Variants in SLC25A53 observed in about 807,000 individuals in gnomAD.
The protein encoded by SLC25A53 is solute carrier family 25 member 53, also known as mitochondrial carrier triple repeat protein 6.
A neutral mutation model predicts 15.0 loss-of-function variants in SLC25A53; 5 were observed. The ratio of observed to expected loss-of-function variants is 0.33; its 90% CI spans 0.17 to 0.70. The LOEUF (loss-of-function observed/expected upper bound fraction) is 0.70, where lower values mean the gene tolerates loss of function less well. Ranked by LOEUF, SLC25A53 falls within the 30% of genes least tolerant of loss-of-function variation. The probability of loss-of-function intolerance (pLI) is 0.67; values close to 1 mark genes in which losing one functional copy is unlikely to be tolerated. For synonymous variants in SLC25A53, 95 were observed against 100.0 expected, an observed-to-expected ratio of 0.95 and a Z score of 0.30; for missense variants, 216 against 241.6, an observed-to-expected ratio of 0.89 and a Z score of 0.70.
intron 1 of SLC25A53, among the ~76,000 whole-genome samples, chrX:104,137,906 C>CA (rs1224424547): frequency 1.1e-4 from 12 of 110,792 alleles, no homozygotes; most frequent in South Asian, 3.8e-4. Flanking sequence ...AAATATAGAC[C>CA]AAAAAAAACA....
At position 104,104,468 on chromosome X, in the gene SLC25A53, G is replaced by A. The variant is rs1244364195; in HGVS notation, c.790C>T (p.Arg264Ter). Residue 264 changes from arginine (R) to a stop codon, truncating the protein, a stop_gained, in exon 2 of 2, where the codon CGA (arginine) becomes TGA (stop). Coordinates refer to ENST00000594199, the MANE Select transcript of SLC25A53 (RefSeq NM_001012755.5). LOFTEE classifies it high-confidence loss of function. The part of the protein sequence containing the change: ...SAQDVWNTRG[R>*]KLLLIYRGGS... ...CCACGGTAGATCAGGAGCAGCTTTC[G>A]GCCCCGAGTGTTCCATACATCCTGG... 5 of 1,210,137 alleles carry A rather than the reference G, an allele frequency of 4.1e-6. No homozygotes were observed. The highest frequency in any genetic ancestry group is 1.8e-5 in the South Asian group (1 of 56,840).
At chrX:104,147,818 T>C (rs1439626510) in intron 1 of SLC25A53, among the ~76,000 whole-genome samples, 3 of 109,500 alleles carry the variant, frequency 2.7e-5, no homozygotes, top group African/African-American at 1.0e-4. Flanking sequence ...CTGGAGAGGA[T>C]GTGGAGAAAT....
rs1178721075 is a variant in SLC25A53, at chrX:104,101,740, G to T, written c.*2594C>A. On this transcript the variant is annotated 3_prime_UTR_variant, in exon 2 of 2. Coordinates refer to ENST00000594199, the MANE Select transcript of SLC25A53 (RefSeq NM_001012755.5). ...TGTATGCAACTCTCAGATAGTTCAG[G>T]GAAAAAATATCCTGTGTGTGTATAG... 1 of 111,512 alleles carries T rather than the reference G, an allele frequency of 9.0e-6. No homozygotes were observed. Among genetic ancestry groups the T allele is most frequent in the Non-Finnish European group, 1.9e-5 (1 of 53,104 alleles). 9.2% of individuals were successfully genotyped at this position (111,512 alleles called of 1,213,427 possible).
chrX:104,106,620 G>A (rs782491799), intron 1 of SLC25A53, among the ~76,000 whole-genome samples: 1 of 111,312 alleles, frequency 9.0e-6, no homozygotes, highest in South Asian at 3.8e-4. Context: ...GGCCAATGGG[G>A]AACCAGAGAG....
At chrX:104,126,299 T>C (rs1366047332) in intron 1 of SLC25A53, among the ~76,000 whole-genome samples, 1 of 109,386 alleles carries the variant, frequency 9.1e-6, no homozygotes. Context: ...AAAGCACTTG[T>C]TAGGAGGAGA....
intron 1 of SLC25A53, among the ~76,000 whole-genome samples, chrX:104,125,998 G>A (rs1171431773): frequency 8.9e-6 from 1 of 111,869 alleles, no homozygotes; most frequent in Non-Finnish European, 1.9e-5. Context: ...AAATCCCAGA[G>A]GGATTTTTCA....
At chrX:104,148,078 T>A (rs1480325142) in intron 1 of SLC25A53, among the ~76,000 whole-genome samples, 1 of 110,295 alleles carries the variant, frequency 9.1e-6, no homozygotes, top group Non-Finnish European at 1.9e-5. Context: ...TAGACTGGAT[T>A]AAGAAAATGT....
At chrX:104,110,410 A>G (rs1556357812) in intron 1 of SLC25A53, among the ~76,000 whole-genome samples, 1 of 111,596 alleles carries the variant, frequency 9.0e-6, no homozygotes, top group African/African-American at 3.3e-5. Context: ...CTGAGATGGA[A>G]GGTGCTTATC....
rs1556355413 is a variant in SLC25A53, at chrX:104,105,120, A to G, written c.138T>C (p.Phe46=). The G allele has an allele frequency of 1.7e-6, 2 of 1,212,118 alleles. No individual in the cohort carries two copies. Among genetic ancestry groups the G allele is most frequent in the Middle Eastern group, 2.3e-4 (1 of 4,354 alleles). The part of the protein sequence containing the change: ...VSNFMSTFLT[F]PIYKVVFRQQ... ...GCCGGAACACAACCTTATAGATAGG[A>G]AAGGTCAGAAAAGTAGACATAAAGT... The change falls in exon 2 of 2, where the codon TTT becomes TTC. Residue 46 remains phenylalanine, a synonymous_variant. Coordinates refer to ENST00000594199, the MANE Select transcript of SLC25A53 (RefSeq NM_001012755.5).
chrX:104,128,460 C>T (rs1439652616), intron 1 of SLC25A53, among the ~76,000 whole-genome samples: 1 of 111,792 alleles, frequency 8.9e-6, no homozygotes, highest in Admixed American at 9.5e-5. Context: ...CTGAAAATCT[C>T]TTAAATGTCT....
chrX:104,100,074 C>T lies in SLC25A53; in HGVS notation c.*4260G>A, dbSNP rs1398730611. On this transcript the variant is annotated 3_prime_UTR_variant, in exon 2 of 2. Transcript: ENST00000594199. ...ATTATGCTTTTTCTCTCATATGCAA[C>T]GTCATTTTATTAACTTTAATATACT... 9.0e-6 allele frequency: 1 copy of T among 111,617 alleles called. No homozygotes were observed. The highest frequency in any genetic ancestry group is 1.9e-5 in the Non-Finnish European group (1 of 53,086). 9.2% of individuals were successfully genotyped at this position (111,617 alleles called of 1,213,427 possible).
At chrX:104,147,368 A>G (rs2075471009) in intron 1 of SLC25A53, among the ~76,000 whole-genome samples, 1 of 111,720 alleles carries the variant, frequency 9.0e-6, no homozygotes, top group South Asian at 3.7e-4. Flanking sequence ...CCTAGGCATT[A>G]CCATTCAGGA....
intron 1 of SLC25A53, among the ~76,000 whole-genome samples, chrX:104,141,892 G>A (rs1467459279): frequency 1.8e-5 from 2 of 111,776 alleles, no homozygotes; most frequent in Non-Finnish European, 3.8e-5. Context: ...CCAGTCCTAG[G>A]ACTTCCATTC....
rs1480537360 is a variant in SLC25A53 at position 104,102,564 on chromosome X, C to G, written c.*1770G>C. ...AAAGCAAAAACACAGCCCAAAGGCA[C>G]GTGTCTTGCTGACAGTGAGTCAATA... On this transcript the variant is annotated 3_prime_UTR_variant, in exon 2 of 2. Coordinates refer to ENST00000594199, the MANE Select transcript of SLC25A53 (RefSeq NM_001012755.5). The G allele has an allele frequency of 1.8e-5, 2 of 112,111 alleles. No homozygotes were observed. The highest frequency in any genetic ancestry group is 5.5e-4 in the East Asian group (2 of 3,604). The allele number at this position is 112,111 out of a possible 1,213,427, so 9.2% of individuals were successfully genotyped here. A position where few individuals can be genotyped will look rare whatever the true frequency, so the allele number is the denominator to read the frequency against.
chrX:104,151,519 C>T (rs1002860593), intron 1 of SLC25A53, among the ~76,000 whole-genome samples: 4 of 111,612 alleles, frequency 3.6e-5, no homozygotes, highest in Non-Finnish European at 7.5e-5. Context: ...AAGAAAAAAC[C>T]GACCTCCATA....
intron 1 of SLC25A53, chrX:104,113,996 A>C (rs2075362583): frequency 9.0e-7 from 1 of 1,108,356 alleles, no homozygotes. Context: ...TAGAATCCCT[A>C]CTGAAATATA....
At chrX:104,108,526 G>A (rs2075323434) in intron 1 of SLC25A53, among the ~76,000 whole-genome samples, 1 of 111,447 alleles carries the variant, frequency 9.0e-6, no homozygotes, top group East Asian at 2.8e-4. Context: ...AGGCAGGGAA[G>A]CCCTTACTTC....
intron 1 of SLC25A53, among the ~76,000 whole-genome samples, chrX:104,141,025 G>C (rs1039675733): frequency 8.0e-5 from 9 of 111,848 alleles, no homozygotes; most frequent in Non-Finnish European, 9.4e-5. Flanking sequence ...TTTTCAGAAT[G>C]GCAGAGTAAG....
intron 1 of SLC25A53, chrX:104,114,803 G>A (rs781862778): frequency 6.6e-6 from 8 of 1,210,643 alleles, no homozygotes; most frequent in Admixed American, 2.2e-5. Flanking sequence ...AAACGGAAGC[G>A]GCCGAAAAGG....
Sources: gnomAD v4.1 joint callset for allele counts (sites outside exome capture counted in the v4.1 genomes callset) on GRCh38, gnomAD v4.1.1 for gene constraint, MANE v1.5 for transcripts, NCBI Gene and HGNC (gene_info 2026-07-23, HGNC 2026-07-21) for gene names.